SLC14A2: variants seen among roughly 807,000 people sequenced by gnomAD.
SLC14A2 encodes urea transporter 2.
In SLC14A2, 91 loss-of-function variants were observed where a neutral mutation model predicts 104.6. The observed-to-expected ratio is 0.87, with a 90% confidence interval of 0.73 to 1.04. SLC14A2 has a LOEUF of 1.04. SLC14A2 is among the 50% of genes least tolerant of loss of function. The probability of loss-of-function intolerance (pLI) is 0.00; values close to 1 mark genes in which losing one functional copy is unlikely to be tolerated. For synonymous variants in SLC14A2, 476 were observed against 466.4 expected (o/e 1.02, Z -0.27); for missense variants, 1,189 against 1,156.0 (o/e 1.03, Z -0.41).
At chr18:45,222,061 G>T (rs932952001) in intron 1 of SLC14A2, among the ~76,000 whole-genome samples, 1 of 152,226 alleles carries the variant, frequency 6.6e-6, no homozygotes, top group Non-Finnish European at 1.5e-5. Flanking sequence ...AACGTAATTT[G>T]GTTTGGTTCT....
intron 1 of SLC14A2, among the ~76,000 whole-genome samples, chr18:45,421,588 A>C (rs1006299757): frequency 6.6e-6 from 1 of 152,148 alleles, no homozygotes; most frequent in Non-Finnish European, 1.5e-5. Context: ...ATTTTTACTT[A>C]ATTTAAATTT....
intron 1 of SLC14A2, among the ~76,000 whole-genome samples, chr18:45,469,590 G>A (rs1229803685): frequency 6.6e-6 from 1 of 152,232 alleles, no homozygotes; most frequent in Non-Finnish European, 1.5e-5. Context: ...CCAAGGAACT[G>A]GGTTAGTGCC....
intron 2 of SLC14A2, among the ~76,000 whole-genome samples, chr18:45,577,402 C>T (rs1285094864): frequency 1.3e-5 from 2 of 152,138 alleles, no homozygotes; most frequent in East Asian, 3.8e-4. Context: ...AGGAGAGTCA[C>T]TAAGGCCAGC....
chr18:45,522,781 C>T (rs995385918), intron 2 of SLC14A2, among the ~76,000 whole-genome samples: 2 of 152,100 alleles, frequency 1.3e-5, no homozygotes, highest in African/African-American at 2.4e-5. Context: ...TACTCAGGCT[C>T]TCATTGGATT....
intron 2 of SLC14A2, among the ~76,000 whole-genome samples, chr18:45,608,903 C>CTGCA (rs1297008338): frequency 6.6e-6 from 1 of 152,202 alleles, no homozygotes; most frequent in Admixed American, 6.5e-5. Context: ...CAGGTCCCCT[C>CTGCA]TGCATTTTCT....
At chr18:45,188,166 G>A in the SLC14A2 span, among the ~76,000 whole-genome samples, 4 of 152,120 alleles carry the variant, frequency 2.6e-5, no homozygotes, top group African/African-American at 9.7e-5. Flanking sequence ...AGATGGTAGA[G>A]GATGAAGAGT....
chr18:45,209,485 GGAT>G (rs146749643), upstream of SLC14A2, among the ~76,000 whole-genome samples: 896 of 151,726 alleles, frequency 5.9e-3, 6 homozygotes, highest in African/African-American at 0.02. Context: ...ATTTCTGAAA[GGAT>G]GATAGAGAAT....
intron 1 of SLC14A2, among the ~76,000 whole-genome samples, chr18:45,224,600 A>T (rs1341854112): frequency 8.5e-5 from 13 of 152,152 alleles, no homozygotes; most frequent in Admixed American, 8.5e-4. Flanking sequence ...TAACAGGAAA[A>T]CCAGTGCTAT....
At chr18:45,299,557 GT>G (rs2084948485) in intron 1 of SLC14A2, among the ~76,000 whole-genome samples, 1 of 152,188 alleles carries the variant, frequency 6.6e-6, no homozygotes, top group Non-Finnish European at 1.5e-5. Flanking sequence ...TGCCTCCCGG[GT>G]TCAAGTGATT....
At chr18:45,644,191 C>G (rs1158825354) in intron 10 of SLC14A2, 31 bp downstream of exon 10, 2 of 1,609,002 alleles carry the variant, frequency 1.2e-6, no homozygotes, top group Non-Finnish European at 8.5e-7. Flanking sequence ...AAGAAACGCT[C>G]TTTGCCTGAC....
chr18:45,168,864 C>T, the SLC14A2 span: 1 of 152,084 alleles, frequency 6.6e-6, no homozygotes, highest in Non-Finnish European at 1.5e-5. Flanking sequence ...CTCCTGCTCT[C>T]TATATATTAA....
At chr18:45,497,646 T>C (rs1442066280) in intron 2 of SLC14A2, among the ~76,000 whole-genome samples, 1 of 152,164 alleles carries the variant, frequency 6.6e-6, no homozygotes, top group Non-Finnish European at 1.5e-5. Context: ...GGGCTGACAA[T>C]GAGCACATTA....
At chr18:45,295,180 C>T (rs2084906974) in intron 1 of SLC14A2, among the ~76,000 whole-genome samples, 1 of 152,216 alleles carries the variant, frequency 6.6e-6, no homozygotes, top group African/African-American at 2.4e-5. Flanking sequence ...CTTTCCCATT[C>T]TGTTTTGGAC....
intron 1 of SLC14A2, among the ~76,000 whole-genome samples, chr18:45,334,931 G>A (rs576428294): frequency 2.2e-4 from 33 of 152,162 alleles, no homozygotes; most frequent in Admixed American, 9.2e-4. Context: ...CTCGCTAAAT[G>A]TTCACCTCCT....
chr18:45,585,209 C>T (rs1388589162), intron 2 of SLC14A2, among the ~76,000 whole-genome samples: 3 of 152,158 alleles, frequency 2.0e-5, no homozygotes, highest in Non-Finnish European at 4.4e-5. Context: ...ACCCTCACAT[C>T]TCATTCACAG....
intron 2 of SLC14A2, among the ~76,000 whole-genome samples, chr18:45,515,095 CAT>C (rs2043419815): frequency 6.6e-6 from 1 of 152,198 alleles, no homozygotes; most frequent in Non-Finnish European, 1.5e-5. Flanking sequence ...CACTCACACA[CAT>C]GTTAAAGAGG....
At chr18:45,643,855 A>G in intron 9 of SLC14A2, 131 bp from the exon 10 acceptor site, 1 of 782,934 alleles carries the variant, frequency 1.3e-6, no homozygotes, top group Non-Finnish European at 2.1e-6. Context: ...TTGCAAATCC[A>G]GGAATATCAA....
chr18:45,387,628 G>A (rs1026058092), intron 1 of SLC14A2, among the ~76,000 whole-genome samples: 5 of 152,166 alleles, frequency 3.3e-5, no homozygotes, highest in Non-Finnish European at 2.9e-5. Context: ...CTTAATGACT[G>A]CTAGTAGAAA....
At chr18:45,371,859 G>C (rs1050422647) in intron 1 of SLC14A2, among the ~76,000 whole-genome samples, 1 of 152,126 alleles carries the variant, frequency 6.6e-6, no homozygotes, top group African/African-American at 2.4e-5. Flanking sequence ...ATTCATTGAC[G>C]AGTATGTGTA....
Sources: gnomAD v4.1 joint callset for allele counts (sites outside exome capture counted in the v4.1 genomes callset) on GRCh38, gnomAD v4.1.1 for gene constraint, MANE v1.5 for transcripts, NCBI Gene and HGNC (gene_info 2026-07-23, HGNC 2026-07-21) for gene names.